TSHZ2: variants seen among roughly 807,000 people sequenced by gnomAD.
TSHZ2 encodes the protein teashirt zinc finger homeobox 2, also known as teashirt homolog 2.
TSHZ2 carries 21 observed loss-of-function variants against 74.4 expected under a neutral mutation model. That is an observed-to-expected ratio of 0.28 (90% CI 0.20 to 0.41). The LOEUF (loss-of-function observed/expected upper bound fraction) is 0.41. TSHZ2 is among the 10% of genes least tolerant of loss of function. The pLI is 1.00. For missense variants in TSHZ2, 1,244 were observed against 1,293.5 expected (o/e 0.96, Z 0.59); for synonymous variants, 540 against 515.3 (o/e 1.05, Z -0.65).
intron 2 of TSHZ2, among the ~76,000 whole-genome samples, chr20:53,391,445 G>T (rs924281345): frequency 2.7e-5 from 4 of 150,232 alleles, no homozygotes; most frequent in African/African-American, 7.3e-5. Context: ...GCACCAGGCC[G>T]TTTTTTTTGT....
intron 2 of TSHZ2, among the ~76,000 whole-genome samples, chr20:53,311,962 T>A (rs1460461565): frequency 6.6e-6 from 1 of 152,116 alleles, no homozygotes; most frequent in African/African-American, 2.4e-5. Flanking sequence ...ATGCCTGTAG[T>A]CCTAGCTACT....
chr20:53,293,574 T>C (rs990487377), intron 2 of TSHZ2, among the ~76,000 whole-genome samples: 1 of 151,888 alleles, frequency 6.6e-6, no homozygotes, highest in African/African-American at 2.4e-5. Context: ...CCAGAGGGCA[T>C]GGACACTTTG....
At chr20:53,201,206 C>T (rs1988996768) in intron 1 of TSHZ2, among the ~76,000 whole-genome samples, 1 of 152,172 alleles carries the variant, frequency 6.6e-6, no homozygotes, top group South Asian at 2.1e-4. Context: ...GCTGATATAA[C>T]ACATTATCAC....
chr20:53,372,392 G>A (rs540229489), intron 2 of TSHZ2, among the ~76,000 whole-genome samples: 1 of 152,068 alleles, frequency 6.6e-6, no homozygotes, highest in East Asian at 1.9e-4. Flanking sequence ...TAGGAAAATC[G>A]CCTGAACCCA....
In TSHZ2 at chr20:53,343,724, T is replaced by C. The variant is rs930268628; in HGVS notation, c.*8+87153T>C. Among the ~76,000 whole-genome samples the C allele has an allele frequency of 5.9e-5, 9 of 152,260 alleles. No individual in the cohort carries two copies. In the South Asian group the frequency reaches 1.7e-3, roughly 28 times the overall value. ...AGTCCTCTCCCTCCTCCCCATCCAGTAGCTCTCGCCACGAGGTGAGGCAGT... is the reference window on the plus strand; with the variant it reads ...AGTCCTCTCCCTCCTCCCCATCCAGCAGCTCTCGCCACGAGGTGAGGCAGT... On this transcript the variant is annotated intron_variant, in intron 2 of 2. Transcript: ENST00000371497.
At chr20:53,093,800 G>A (rs1275905763) in intron 1 of TSHZ2, among the ~76,000 whole-genome samples, 3 of 152,048 alleles carry the variant, frequency 2.0e-5, no homozygotes, top group African/African-American at 4.8e-5. Flanking sequence ...ATAAACACAT[G>A]CTAAAAATAA....
Position 53,224,147 on chromosome 20 carries a change from G to A in TSHZ2, c.41-29352G>A, listed in dbSNP as rs183052415. Among the ~76,000 whole-genome samples, 124 of 152,214 alleles carry A rather than the reference G, an allele frequency of 8.1e-4. 1 individual carries two copies. The highest frequency in any genetic ancestry group is 2.8e-3 in the African/African-American group (118 of 41,522). On this transcript the variant is annotated intron_variant, in intron 1 of 2. Coordinates refer to ENST00000371497, the MANE Select transcript of TSHZ2 (RefSeq NM_173485.6). ...AAAAGTTGAAAAATACATATGAAAG[G>A]TACATCAAACCCAAAATGTTTTGAG... is the stretch of plus-strand genomic sequence containing the variant.
At chr20:53,228,872 C>T (rs868765666) in intron 1 of TSHZ2, among the ~76,000 whole-genome samples, 21 of 152,172 alleles carry the variant, frequency 1.4e-4, no homozygotes, top group African/African-American at 4.8e-4. Context: ...AGAATCCGTG[C>T]CCGAAAGACA....
intron 2 of TSHZ2, among the ~76,000 whole-genome samples, chr20:53,475,823 G>A (rs1185568217): frequency 7.3e-6 from 1 of 136,886 alleles, no homozygotes; most frequent in Non-Finnish European, 1.6e-5. Context: ...ATGACAAAGG[G>A]GATATCACCA....
At chr20:53,204,434 A>C (rs889755943) in intron 1 of TSHZ2, among the ~76,000 whole-genome samples, 230 of 150,614 alleles carry the variant, frequency 1.5e-3, no homozygotes, top group South Asian at 2.3e-3. Context: ...ATTATATCAT[A>C]ATATGATATA....
At chr20:52,997,528 T>C (rs986922573) in intron 1 of TSHZ2, among the ~76,000 whole-genome samples, 1 of 152,152 alleles carries the variant, frequency 6.6e-6, no homozygotes, top group African/African-American at 2.4e-5. Context: ...GATGATCTAT[T>C]TGTATACATT....
At chr20:53,239,034 G>A (rs2123689900) in intron 1 of TSHZ2, among the ~76,000 whole-genome samples, 1 of 152,182 alleles carries the variant, frequency 6.6e-6, no homozygotes, top group East Asian at 1.9e-4. Flanking sequence ...CTCAAGACCT[G>A]GGCTTGCCAC....
chr20:53,325,495 A>G (rs536058806), intron 2 of TSHZ2, among the ~76,000 whole-genome samples: 1 of 152,320 alleles, frequency 6.6e-6, no homozygotes, highest in Admixed American at 6.5e-5. Flanking sequence ...CCAGTGAAAC[A>G]CAGGGCAGTT....
At chr20:53,212,253 A>AG (rs2123614276) in intron 1 of TSHZ2, among the ~76,000 whole-genome samples, 1 of 152,358 alleles carries the variant, frequency 6.6e-6, no homozygotes, top group Admixed American at 6.5e-5. Context: ...TACATGAGCA[A>AG]TGACAACATA....
chr20:53,191,028 G>A (rs867047921), intron 1 of TSHZ2, among the ~76,000 whole-genome samples: 2 of 152,120 alleles, frequency 1.3e-5, no homozygotes, highest in African/African-American at 2.4e-5. Context: ...GATGGTTCAG[G>A]GAGCACAGAA....
At chr20:53,156,941 G>C (rs1987809882) in intron 1 of TSHZ2, among the ~76,000 whole-genome samples, 3 of 152,194 alleles carry the variant, frequency 2.0e-5, no homozygotes. Context: ...ATCTGCCTAA[G>C]AGAAGTTAAG....
At position 53,254,216 on chromosome 20, in the gene TSHZ2, C is replaced by G; in HGVS notation, c.758C>G (p.Thr253Arg). 6.2e-7 allele frequency: 1 copy of G among 1,614,094 alleles called. No homozygotes were observed. The highest frequency in any genetic ancestry group is 8.5e-7 in the Non-Finnish European group (1 of 1,180,014). Residue 253 changes from threonine to arginine, a missense_variant, in exon 2 of 3, where the codon ACG becomes AGG. Thr to Arg is a moderately conservative substitution (Grantham distance 71). This residue lies in a region of TSHZ2 where 470 missense variants were observed against 456.5 expected (regional missense o/e 1.03). Transcript: ENST00000371497. ...CGCAAAAAGGACAAGCTCAGACCCA[C>G]GAGCTATTCAAAGCCCAGGAAAAGG... ...DNRKKDKLRP[T>R]SYSKPRKRAF...
At chr20:53,303,805 T>C (rs1198000239) in intron 2 of TSHZ2, among the ~76,000 whole-genome samples, 1 of 152,236 alleles carries the variant, frequency 6.6e-6, no homozygotes, top group African/African-American at 2.4e-5. Flanking sequence ...CTTGAGTAGA[T>C]TAAAAATGTT....
intron 1 of TSHZ2, among the ~76,000 whole-genome samples, chr20:53,137,085 A>T (rs960237770): frequency 6.6e-6 from 1 of 152,094 alleles, no homozygotes; most frequent in African/African-American, 2.4e-5. Context: ...GTTCCGAAAA[A>T]TTAAAATACA....
Sources: allele counts gnomAD v4.1 joint callset (sites outside exome capture counted in the v4.1 genomes callset), GRCh38; gene constraint gnomAD v4.1.1; regional missense constraint gnomAD v4.1.1; transcripts MANE v1.5; gene names NCBI Gene and HGNC (gene_info 2026-07-23, HGNC 2026-07-21).